SGCZ: variants seen among roughly 807,000 people sequenced by gnomAD.
SGCZ encodes sarcoglycan zeta.
Under a neutral mutation model 41.3 loss-of-function variants are expected in SGCZ, and 40 were observed. The ratio of observed to expected loss-of-function variants is 0.97; its 90% CI spans 0.75 to 1.26. The LOEUF (loss-of-function observed/expected upper bound fraction) is 1.26, where lower values mean the gene tolerates loss of function less well. SGCZ is among the 50% of genes most tolerant of loss of function. SGCZ has a pLI of 0.00. For missense variants in SGCZ, 552 were observed against 369.8 expected, an observed-to-expected ratio of 1.49 and a Z score of -4.04; for synonymous variants, 206 against 137.5, an observed-to-expected ratio of 1.50 and a Z score of -3.49.
intron 2 of SGCZ, among the ~76,000 whole-genome samples, chr8:14,452,975 C>G (rs1457641772): frequency 6.6e-6 from 1 of 151,956 alleles, no homozygotes; most frequent in Non-Finnish European, 1.5e-5. Context: ...TGATAGCACA[C>G]ACCTGTAATC....
intron 2 of SGCZ, among the ~76,000 whole-genome samples, chr8:14,480,913 A>G (rs1801517913): frequency 6.6e-6 from 1 of 152,082 alleles, no homozygotes; most frequent in African/African-American, 2.4e-5. Flanking sequence ...TTGAAAAAAG[A>G]ATAACATTCT....
intron 1 of SGCZ, among the ~76,000 whole-genome samples, chr8:15,080,248 G>T (rs60695793): frequency 0.074 from 11,182 of 151,840 alleles, 1,326 homozygotes; most frequent in African/African-American, 0.25. Context: ...TGTCTCCCTA[G>T]CCAGCTCCTT....
intron 3 of SGCZ, among the ~76,000 whole-genome samples, chr8:14,252,689 A>G (rs575194183): frequency 1.0e-3 from 152 of 152,252 alleles, no homozygotes; most frequent in African/African-American, 3.4e-3. Context: ...GGGGCAGGAC[A>G]AAATTTTCAA....
chr8:14,514,622 T>C (rs1036971755), intron 2 of SGCZ, among the ~76,000 whole-genome samples: 1 of 150,278 alleles, frequency 6.7e-6, no homozygotes, highest in Non-Finnish European at 1.5e-5. Context: ...CATATATTTA[T>C]ATTTCAGGGT....
intron 1 of SGCZ, among the ~76,000 whole-genome samples, chr8:15,231,325 A>G (rs947583184): frequency 6.6e-6 from 1 of 152,210 alleles, no homozygotes; most frequent in African/African-American, 2.4e-5. Flanking sequence ...AAAGTTTTCT[A>G]AAATCTAATT....
chr8:14,834,629 T>C (rs368996526), intron 1 of SGCZ, among the ~76,000 whole-genome samples: 61 of 152,210 alleles, frequency 4.0e-4, no homozygotes, highest in Non-Finnish European at 7.3e-4. Flanking sequence ...GATGGCCTTT[T>C]TATGATCGCA....
At chr8:14,617,725 G>C (rs966154627) in intron 1 of SGCZ, among the ~76,000 whole-genome samples, 2 of 152,124 alleles carry the variant, frequency 1.3e-5, no homozygotes, top group African/African-American at 4.8e-5. Context: ...AATGCAAAGA[G>C]ATAGGAAAAC....
intron 1 of SGCZ, among the ~76,000 whole-genome samples, chr8:14,708,656 T>G (rs1809408738): frequency 6.6e-6 from 1 of 152,126 alleles, no homozygotes; most frequent in Non-Finnish European, 1.5e-5. Flanking sequence ...TGACACACCA[T>G]GCAACATCGT....
intron 1 of SGCZ, among the ~76,000 whole-genome samples, chr8:14,619,652 C>G (rs1311187974): frequency 6.6e-6 from 1 of 152,018 alleles, no homozygotes; most frequent in Non-Finnish European, 1.5e-5. Flanking sequence ...CAAGAGCAGA[C>G]AAACAGAGAA....
intron 5 of SGCZ, among the ~76,000 whole-genome samples, chr8:14,156,434 C>G (rs1803877786): frequency 6.6e-6 from 1 of 152,036 alleles, no homozygotes; most frequent in Non-Finnish European, 1.5e-5. Flanking sequence ...TCACTCCAGC[C>G]TGGGTGACGG....
intron 4 of SGCZ, among the ~76,000 whole-genome samples, chr8:14,183,895 C>T (rs1804815902): frequency 6.6e-6 from 1 of 152,082 alleles, no homozygotes; most frequent in Non-Finnish European, 1.5e-5. Context: ...AGCTAAATTA[C>T]TCACAGATGA....
intron 2 of SGCZ, among the ~76,000 whole-genome samples, chr8:14,466,850 T>C (rs1243161407): frequency 6.6e-6 from 1 of 151,878 alleles, no homozygotes; most frequent in Admixed American, 6.6e-5. Context: ...TGTTTATACA[T>C]TGTTTTCTTG....
At chr8:14,345,380 G>T (rs1194042746) in intron 2 of SGCZ, among the ~76,000 whole-genome samples, 2 of 152,064 alleles carry the variant, frequency 1.3e-5, no homozygotes, top group African/African-American at 4.8e-5. Context: ...TAAATTCTGG[G>T]ATATATGTAT....
In SGCZ at chr8:14,950,637, A is replaced by T. The variant is rs373886462; in HGVS notation, c.39+286948T>A. Among the ~76,000 whole-genome samples the T allele has an allele frequency of 2.7e-4, 41 of 152,162 alleles. 1 individual carries two copies. In the South Asian group the frequency reaches 8.5e-3, roughly 32 times the overall value. ...TTTTACAGTTAGGATGTTGGCAAAA[A>T]AAATCATAGTTCAGAAAAAAATTCC... On this transcript the variant is annotated intron_variant, in intron 1 of 7. Coordinates refer to ENST00000382080, the MANE Select transcript of SGCZ (RefSeq NM_139167.4).
At chr8:14,715,395 T>A (rs1809654840) in intron 1 of SGCZ, among the ~76,000 whole-genome samples, 1 of 152,170 alleles carries the variant, frequency 6.6e-6, no homozygotes, top group African/African-American at 2.4e-5. Flanking sequence ...AGAGCTGGCC[T>A]AAGCGAAGAC....
chr8:14,731,548 A>T (rs1015183910), intron 1 of SGCZ, among the ~76,000 whole-genome samples: 10 of 152,130 alleles, frequency 6.6e-5, no homozygotes, highest in East Asian at 3.9e-4. Flanking sequence ...AATAATTTTT[A>T]AAAAAAGAAT....
At chr8:14,099,282 A>G (rs1801938389) in intron 7 of SGCZ, among the ~76,000 whole-genome samples, 1 of 152,186 alleles carries the variant, frequency 6.6e-6, no homozygotes, top group Non-Finnish European at 1.5e-5. Flanking sequence ...ATATTGTCTT[A>G]TAAACCATAT....
At chr8:14,445,955 G>A (rs538969197) in intron 2 of SGCZ, among the ~76,000 whole-genome samples, 3 of 152,278 alleles carry the variant, frequency 2.0e-5, no homozygotes, top group East Asian at 3.9e-4. Flanking sequence ...TCCTGGAGTG[G>A]CTGGCCAGAT....
intron 2 of SGCZ, among the ~76,000 whole-genome samples, chr8:14,530,753 C>T (rs528121958): frequency 6.6e-6 from 1 of 151,020 alleles, no homozygotes; most frequent in South Asian, 2.1e-4. Flanking sequence ...GAGGCTGAGG[C>T]TGGACCATCC....
Sources: gnomAD v4.1 joint callset for allele counts (sites outside exome capture counted in the v4.1 genomes callset) on GRCh38, gnomAD v4.1.1 for gene constraint, MANE v1.5 for transcripts, NCBI Gene and HGNC (gene_info 2026-07-23, HGNC 2026-07-21) for gene names.